Variants in FAAH2 observed in about 807,000 individuals in gnomAD.
FAAH2 encodes fatty-acid amide hydrolase 2.
FAAH2 carries 60 observed loss-of-function variants against 36.9 expected under a neutral mutation model. The observed-to-expected ratio is 1.63, with a 90% CI of 1.32 to 2.02. The LOEUF (loss-of-function observed/expected upper bound fraction) is 2.02. FAAH2 is among the 30% of genes most tolerant of loss of function. The pLI is 0.00. For synonymous variants in FAAH2, 214 were observed against 143.8 expected (o/e 1.49, Z -3.49); for missense variants, 689 against 397.5 (o/e 1.73, Z -6.23).
intron 4 of FAAH2, among the ~76,000 whole-genome samples, chrX:57,335,050 C>A (rs767711566): frequency 8.9e-6 from 1 of 111,944 alleles, no homozygotes; most frequent in African/African-American, 3.2e-5. Context: ...AAAACACATT[C>A]TTTTCATCAT....
intron 7 of FAAH2, among the ~76,000 whole-genome samples, chrX:57,403,746 T>C (rs12556574): frequency 0.54 from 59,894 of 111,023 alleles, 14,207 homozygotes; most frequent in Non-Finnish European, 0.74. Flanking sequence ...TGTGTTTTTT[T>C]CTCAATCACC....
intron 7 of FAAH2, among the ~76,000 whole-genome samples, chrX:57,396,216 T>A (rs181187557): frequency 2.7e-5 from 3 of 111,575 alleles, no homozygotes; most frequent in Non-Finnish European, 5.7e-5. Flanking sequence ...GAGTCAGCTG[T>A]CTTCTCAATT....
At chrX:57,186,688 G>A in the FAAH2 span, among the ~76,000 whole-genome samples, 1 of 111,374 alleles carries the variant, frequency 9.0e-6, no homozygotes, top group African/African-American at 3.2e-5. Context: ...GGGTTTTGAA[G>A]GTTTTAGGTT....
chrX:57,242,615 G>GA, the FAAH2 span, among the ~76,000 whole-genome samples: 1 of 111,569 alleles, frequency 9.0e-6, no homozygotes, highest in Admixed American at 9.5e-5. Context: ...AGGGTGAGCA[G>GA]AAACAGGGTG....
At chrX:57,231,504 AT>A in the FAAH2 span, among the ~76,000 whole-genome samples, 2 of 111,193 alleles carry the variant, frequency 1.8e-5, no homozygotes, top group East Asian at 2.8e-4. Context: ...AATATTTTGA[AT>A]TTTTTTGTAG....
intron 10 of FAAH2, among the ~76,000 whole-genome samples, chrX:57,452,871 T>C (rs149444929): frequency 1.7e-3 from 194 of 112,088 alleles, no homozygotes; most frequent in Middle Eastern, 4.6e-3. Flanking sequence ...TCTATGATAT[T>C]TAAGCTGGGA....
intron 3 of FAAH2, among the ~76,000 whole-genome samples, chrX:57,328,343 G>A (rs1602290678): frequency 8.9e-6 from 1 of 111,765 alleles, no homozygotes; most frequent in Middle Eastern, 4.6e-3. Flanking sequence ...CGTGCTGGGA[G>A]AACCACTATG....
chrX:57,280,661 A>C, the FAAH2 span, among the ~76,000 whole-genome samples: 3 of 111,207 alleles, frequency 2.7e-5, no homozygotes, highest in Non-Finnish European at 5.7e-5. Context: ...AAAAAAAAAA[A>C]AACACTAAAA....
intron 10 of FAAH2, among the ~76,000 whole-genome samples, chrX:57,470,364 A>G (rs934396894): frequency 1.8e-5 from 2 of 111,649 alleles, no homozygotes; most frequent in African/African-American, 6.5e-5. Context: ...AAGACTAATA[A>G]AGAAGAAAAG....
chrX:57,439,428 C>T (rs376081476), intron 8 of FAAH2, among the ~76,000 whole-genome samples: 41 of 111,451 alleles, frequency 3.7e-4, no homozygotes, highest in South Asian at 1.1e-3. Context: ...TCATATCCTT[C>T]GCCCACTTTT....
At chrX:57,128,559 A>G in the FAAH2 span, among the ~76,000 whole-genome samples, 1 of 111,873 alleles carries the variant, frequency 8.9e-6, no homozygotes, top group Non-Finnish European at 1.9e-5. Flanking sequence ...AGACTGATGA[A>G]GTGAAATAAC....
At chrX:57,196,236 T>C in the FAAH2 span, among the ~76,000 whole-genome samples, 2 of 111,657 alleles carry the variant, frequency 1.8e-5, no homozygotes, top group Non-Finnish European at 3.8e-5. Context: ...CCATGAACAT[T>C]TCAGCAGTGT....
At chrX:57,440,811 A>T (rs1461804213) in intron 8 of FAAH2, among the ~76,000 whole-genome samples, 1 of 111,720 alleles carries the variant, frequency 9.0e-6, no homozygotes, top group Non-Finnish European at 1.9e-5. Context: ...TTTAGCATGA[A>T]GGGCTGTTGA....
At chrX:57,321,013 G>C (rs914686299) in intron 3 of FAAH2, among the ~76,000 whole-genome samples, 1 of 109,932 alleles carries the variant, frequency 9.1e-6, no homozygotes, top group Admixed American at 9.8e-5. Flanking sequence ...GGTGGTGGGC[G>C]CCTGTAGTCC....
Position 57,481,741 on chromosome X carries a change from CG to C in FAAH2, c.1424-7014del, listed in dbSNP as rs772353935. 1.6e-4 allele frequency among the ~76,000 whole-genome samples: 18 copies of C among 112,257 alleles called. No individual in the cohort carries two copies. The East Asian group carries it at 5.1e-3, about 32-fold the overall frequency. On this transcript the variant is annotated intron_variant, in intron 10 of 10. Transcript: ENST00000374900. Reference sequence around the variant, plus strand: ...TCAGGGACCCAGCTGAGGTGGCATTCGGTCCCTTGGCAGAGCTGGTGCACTG... The same window carrying C: ...TCAGGGACCCAGCTGAGGTGGCATTCGTCCCTTGGCAGAGCTGGTGCACTG...
At chrX:57,445,254 G>A (rs2056650979) in intron 8 of FAAH2, among the ~76,000 whole-genome samples, 1 of 111,450 alleles carries the variant, frequency 9.0e-6, no homozygotes, top group Admixed American at 9.6e-5. Context: ...AATCCCAGAG[G>A]CACTGCTTTG....
chrX:57,427,361 AT>A (rs1278954918), intron 7 of FAAH2, among the ~76,000 whole-genome samples: 15 of 111,549 alleles, frequency 1.3e-4, no homozygotes, highest in African/African-American at 4.2e-4. Flanking sequence ...TAAAAAAAAA[AT>A]CAATATGGAA....
the FAAH2 span, among the ~76,000 whole-genome samples, chrX:57,226,711 G>C: frequency 1.8e-5 from 2 of 112,158 alleles, no homozygotes; most frequent in Non-Finnish European, 3.8e-5. Flanking sequence ...GCAAGGCTGG[G>C]AAAGTTTTCC....
chrX:57,344,207 G>A (rs778874147), intron 5 of FAAH2, among the ~76,000 whole-genome samples: 3 of 109,659 alleles, frequency 2.7e-5, no homozygotes, highest in African/African-American at 1.0e-4. Context: ...GGAAAGTATG[G>A]CAATTTTAAT....
Sources: allele counts gnomAD v4.1 joint callset (sites outside exome capture counted in the v4.1 genomes callset), GRCh38; gene constraint gnomAD v4.1.1; transcripts MANE v1.5; gene names NCBI Gene and HGNC (gene_info 2026-07-23, HGNC 2026-07-21).